Variants in PEX5 observed in about 807,000 individuals in gnomAD.
PEX5 encodes the protein peroxisomal biogenesis factor 5.
PEX5 carries 52 observed loss-of-function variants against 82.9 expected under a neutral mutation model. That is an observed-to-expected ratio of 0.63 (90% confidence interval 0.50 to 0.79). The LOEUF (loss-of-function observed/expected upper bound fraction) is 0.79. Among genes scored for constraint, PEX5 ranks in the 30% least tolerant of loss-of-function variants. The pLI is 0.00. For missense variants in PEX5, 719 were observed against 815.2 expected, an observed-to-expected ratio of 0.88 and a Z score of 1.44; for synonymous variants, 300 against 318.8, an observed-to-expected ratio of 0.94 and a Z score of 0.63.
intron 9 of PEX5, 129 bp downstream of exon 9, chr12:7,202,833 C>T: frequency 1.3e-6 from 1 of 775,614 alleles, no homozygotes; most frequent in Non-Finnish European, 2.2e-6. Flanking sequence ...GTCAGAGTTG[C>T]TTGGGGATGG....
At chr12:7,215,889 TCAAAAA>T (rs768637505), downstream of PEX5, among the ~76,000 whole-genome samples, 445 of 152,006 alleles carry the variant, frequency 2.9e-3, 1 homozygote, top group African/African-American at 9.1e-3. Context: ...GGAATAAAAG[TCAAAAA>T]CAAAACAAAA....
intron 6 of PEX5, among the ~76,000 whole-genome samples, chr12:7,201,179 G>A (rs1321347944): frequency 6.8e-6 from 1 of 147,296 alleles, no homozygotes; most frequent in Non-Finnish European, 1.5e-5. Flanking sequence ...ATACACATAT[G>A]TACACACGCA....
rs1343441282 is a variant in PEX5 at position 7,211,346 on chromosome 12, G to GAT, written c.*1124_*1125dup. ...GTCTTTAGTAGCTAATGATCAGAGA[G>GAT]ATTTTTTTTTTAAACTACCATGGTC... On this transcript the variant is annotated 3_prime_UTR_variant, in exon 16 of 16. Coordinates refer to ENST00000675855, the MANE Select transcript of PEX5 (RefSeq NM_001351132.2). 3 of 133,092 alleles carry GAT rather than the reference G, an allele frequency of 2.3e-5. No homozygotes were observed. The highest frequency in any genetic ancestry group is 4.8e-5 in the Non-Finnish European group (3 of 61,962). The allele number at this position is 133,092 out of a possible 1,614,324, so 8.2% of individuals were successfully genotyped here.
chr12:7,201,652 C>T (rs1268171861), intron 6 of PEX5, 99 bp from the exon 7 acceptor site: 3 of 866,444 alleles, frequency 3.5e-6, no homozygotes, highest in Non-Finnish European at 5.9e-6. Flanking sequence ...GAATGGAGTT[C>T]CCTCACAGGA....
chr12:7,205,874 G>A (rs759798512), intron 10 of PEX5, among the ~76,000 whole-genome samples: 10 of 152,130 alleles, frequency 6.6e-5, no homozygotes, highest in Non-Finnish European at 1.3e-4. Context: ...CATCACTTCT[G>A]GCTGTCATAT....
chr12:7,202,382 C>G, intron 8 of PEX5, 31 bp downstream of exon 8: 2 of 1,613,024 alleles, frequency 1.2e-6, no homozygotes, highest in South Asian at 2.2e-5. Flanking sequence ...AGTCCCACTT[C>G]AGAGCCAGCT....
In PEX5 at chr12:7,203,501, C is replaced by T; in HGVS notation, c.916C>T (p.His306Tyr). Residue 306 changes from histidine to tyrosine, a missense_variant, in exon 10 of 16, where the codon CAC (histidine) becomes TAC (tyrosine). Physicochemically the swap from His to Tyr is moderately conservative, Grantham distance 83. Transcript: ENST00000675855. ...GATGGCAAAACGGGATGCTGAGGCC[C>T]ACCCCTGGCTTTCTGACTATGATGA... The part of the protein sequence containing the change: ...EEMAKRDAEA[H>Y]PWLSDYDDLT... 6.2e-7 allele frequency: 1 copy of T among 1,613,906 alleles called. No homozygotes were observed. The highest frequency in any genetic ancestry group is 8.5e-7 in the Non-Finnish European group (1 of 1,179,918).
downstream of PEX5, chr12:7,211,626 G>T (rs1945578181): frequency 6.6e-6 from 1 of 151,810 alleles, no homozygotes; most frequent in Non-Finnish European, 1.5e-5. Flanking sequence ...ACAGGAGACA[G>T]GGTCCCTGTT....
chr12:7,212,041 C>G (rs533112571), downstream of PEX5, among the ~76,000 whole-genome samples: 8 of 151,362 alleles, frequency 5.3e-5, no homozygotes, highest in South Asian at 1.7e-3. Flanking sequence ...TCTCAGCTCA[C>G]TGCAGCCTCC....
At position 7,209,166 on chromosome 12, in the gene PEX5, C is replaced by T; in HGVS notation, c.1556C>T (p.Pro519Leu). Residue 519 changes from proline (P) to leucine (L), a missense_variant, in exon 14 of 16, where the codon CCC becomes CTC. Physicochemically the swap from Pro to Leu is moderately conservative, Grantham distance 98. Coordinates refer to ENST00000675855, the MANE Select transcript of PEX5 (RefSeq NM_001351132.2). ...TTCACAGCTGCCCTCAGCGTTCGTC[C>T]CAATGTGAGCCCAGGGGAGGAATGG... Reference protein sequence around the residue: ...DCFTAALSVRPNDYLLWNKLG... With the variant: ...DCFTAALSVRLNDYLLWNKLG... The T allele has an allele frequency of 6.2e-7, 1 of 1,613,660 alleles. No individual in the cohort carries two copies. Among genetic ancestry groups the T allele is most frequent in the Non-Finnish European group, 8.5e-7 (1 of 1,179,920 alleles).
At position 7,202,892 on chromosome 12, in the gene PEX5, C is replaced by T. The variant is rs138313267; in HGVS notation, c.846+188C>T. Among the ~76,000 whole-genome samples, 10 of 152,160 alleles carry T rather than the reference C, an allele frequency of 6.6e-5. No homozygotes were observed. In the East Asian group the frequency reaches 1.4e-3, roughly 21 times the overall value. ...GATTTCTGGGCCAGGCATGGTGGCT[C>T]ATGCCTGTAATCTCAGCACTTTGGG... On this transcript the variant is annotated intron_variant, in intron 9 of 15. Coordinates refer to ENST00000675855, the MANE Select transcript of PEX5 (RefSeq NM_001351132.2).
chr12:7,189,921 T>C lies in PEX5; in HGVS notation c.-17+171T>C. ...GAGCCGGGGGAAGGGCTCCGGTGAC[T>C]TAAGGGGAGGGAATGCTCCTCTGCC... On this transcript the variant is annotated intron_variant, in intron 1 of 15. Coordinates refer to ENST00000675855, the MANE Select transcript of PEX5 (RefSeq NM_001351132.2). The C allele has an allele frequency of 2.1e-6, 3 of 1,456,952 alleles. No homozygotes were observed. The South Asian group carries it at 4.2e-5, about 21-fold the overall frequency. The allele number at this position is 1,456,952 out of a possible 1,614,324, so 90.3% of individuals were successfully genotyped here.
chr12:7,195,120 G>C (rs1489162827), intron 5 of PEX5, among the ~76,000 whole-genome samples: 2 of 152,192 alleles, frequency 1.3e-5, no homozygotes, highest in African/African-American at 4.8e-5. Flanking sequence ...AGCAGACACA[G>C]AAACTTTCAT....
In PEX5 at chr12:7,191,546, G is replaced by A. The variant is rs767398178; in HGVS notation, c.317-23G>A. ...AATGGTATGTATGTATTCTTTCTTA[G>A]TTTTCTCTCTCTCTCTTTTAAGCCC... On this transcript the variant is annotated intron_variant, in intron 4 of 15. Transcript: ENST00000675855. 1.9e-6 allele frequency: 3 copies of A among 1,613,398 alleles called. No individual in the cohort carries two copies. The African/African-American group carries it at 4.0e-5, about 22-fold the overall frequency.
chr12:7,203,604 G>A (rs956619904), intron 10 of PEX5, 53 bp downstream of exon 10: 23 of 1,559,122 alleles, frequency 1.5e-5, no homozygotes, highest in South Asian at 9.3e-5. Flanking sequence ...TCTTTTTAAC[G>A]TCTTTCCTTT....
chr12:7,212,421 C>G (rs1480339711), downstream of PEX5, among the ~76,000 whole-genome samples: 1 of 142,060 alleles, frequency 7.0e-6, no homozygotes, highest in Admixed American at 7.2e-5. Flanking sequence ...CCATACCTGG[C>G]CAAAGTCTAA....
chr12:7,209,234 G>T, intron 14 of PEX5, 64 bp downstream of exon 14: 1 of 1,546,064 alleles, frequency 6.5e-7, no homozygotes, highest in South Asian at 1.1e-5. Context: ...GCCATTTGTT[G>T]GGAAGCTGGG....
At chr12:7,212,264 C>CA (rs1430656226), downstream of PEX5, among the ~76,000 whole-genome samples, 7 of 149,172 alleles carry the variant, frequency 4.7e-5, no homozygotes, top group South Asian at 2.1e-4. Flanking sequence ...CGTGCCCAGC[C>CA]AAAAAAAAGT....
intron 14 of PEX5, 124 bp from the exon 15 acceptor site, chr12:7,209,554 AAACAT>A: frequency 4.1e-6 from 1 of 246,882 alleles, no homozygotes; most frequent in Non-Finnish European, 6.4e-6. Flanking sequence ...GAATGGGACG[AAACAT>A]GTTAGCTAAC....
Sources: allele counts gnomAD v4.1 joint callset (sites outside exome capture counted in the v4.1 genomes callset), GRCh38; gene constraint gnomAD v4.1.1; transcripts MANE v1.5; gene names NCBI Gene and HGNC (gene_info 2026-07-23, HGNC 2026-07-21).